Variants in ARFGEF2 observed in about 807,000 individuals in gnomAD.
ARFGEF2 encodes the protein ARF guanine nucleotide exchange factor 2, also known as brefeldin A-inhibited guanine nucleotide-exchange protein 2.
ARFGEF2 carries 74 observed loss-of-function variants against 219.9 expected under a neutral mutation model. That is an observed-to-expected ratio of 0.34 (90% CI 0.28 to 0.41). ARFGEF2 has a LOEUF of 0.41. ARFGEF2 is among the 10% of genes least tolerant of loss of function. The pLI is 1.00. For synonymous variants in ARFGEF2, 733 were observed against 799.2 expected (o/e 0.92, Z 1.40); for missense variants, 1,743 against 2,218.3 (o/e 0.79, Z 4.30).
At chr20:49,023,608 G>A (rs552593720) in intron 35 of ARFGEF2, among the ~76,000 whole-genome samples, 159 of 146,332 alleles carry the variant, frequency 1.1e-3, no homozygotes, top group Non-Finnish European at 1.6e-3. Context: ...GCGCGATCTC[G>A]GCTCACTGCA....
chr20:48,928,945 T>C (rs576750175), intron 1 of ARFGEF2, among the ~76,000 whole-genome samples: 1 of 152,342 alleles, frequency 6.6e-6, no homozygotes, highest in South Asian at 2.1e-4. Context: ...TACTTGTAAA[T>C]CTCAGGGGAG....
intron 1 of ARFGEF2, among the ~76,000 whole-genome samples, chr20:48,934,210 A>G (rs992767540): frequency 6.6e-6 from 1 of 151,078 alleles, no homozygotes; most frequent in Non-Finnish European, 1.5e-5. Context: ...TGTCTGTGCC[A>G]GGACTTGAAC....
intron 8 of ARFGEF2, 29 bp downstream of exon 8, chr20:48,966,052 T>A (rs1369068249): frequency 6.2e-7 from 1 of 1,613,668 alleles, no homozygotes; most frequent in Non-Finnish European, 8.5e-7. Context: ...TCTGTGGACT[T>A]ATTGCCATTT....
Position 49,011,919 on chromosome 20 carries a change from C to T in ARFGEF2, c.3758-5C>T, listed in dbSNP as rs762729146. ...TTATGAAAAATGTGCCTTGTGTTCC[C>T]CCAGCAACTATTTTCCAGCACCATT... On this transcript the variant is annotated splice_region_variant and splice_polypyrimidine_tract_variant and intron_variant, in intron 27 of 38. Coordinates refer to ENST00000371917, the MANE Select transcript of ARFGEF2 (RefSeq NM_006420.3). 1 of 1,614,048 alleles carries T rather than the reference C, an allele frequency of 6.2e-7. No homozygotes were observed. Among genetic ancestry groups the T allele is most frequent in the African/African-American group, 1.3e-5 (1 of 74,920 alleles).
At chr20:48,924,886 CAT>C (rs1233609129) in intron 1 of ARFGEF2, among the ~76,000 whole-genome samples, 5 of 152,258 alleles carry the variant, frequency 3.3e-5, no homozygotes, top group South Asian at 2.1e-4. Flanking sequence ...AGTTAATTGA[CAT>C]GTGCAAAAAA....
chr20:48,992,542 C>A (rs1481958095), intron 21 of ARFGEF2, among the ~76,000 whole-genome samples: 3 of 152,202 alleles, frequency 2.0e-5, no homozygotes. Flanking sequence ...ATGGCACAGG[C>A]AGGTTACTTA....
intron 18 of ARFGEF2, 105 bp from the exon 19 acceptor site, chr20:48,989,180 G>T: frequency 7.9e-7 from 1 of 1,272,554 alleles, no homozygotes; most frequent in Non-Finnish European, 1.1e-6. Context: ...CGAGATGGTT[G>T]GGAGGATTTA....
chr20:49,016,141 A>G, intron 30 of ARFGEF2, 139 bp from the exon 31 acceptor site: 2 of 850,038 alleles, frequency 2.4e-6, no homozygotes, highest in Middle Eastern at 2.2e-4. Flanking sequence ...GTACATATGA[A>G]TGTATTAACA....
chr20:48,953,049 A>G (rs2091081084), intron 5 of ARFGEF2, among the ~76,000 whole-genome samples, 165 bp downstream of exon 5: 1 of 151,774 alleles, frequency 6.6e-6, no homozygotes, highest in African/African-American at 2.4e-5. Context: ...AATCAGAGAA[A>G]CTAAAGGGTT....
At chr20:49,003,652 A>C (rs1477381008) in intron 25 of ARFGEF2, among the ~76,000 whole-genome samples, 4 of 152,178 alleles carry the variant, frequency 2.6e-5, no homozygotes, top group Admixed American at 1.3e-4. Context: ...GTCAGACCAC[A>C]TATCAATGAA....
chr20:49,022,987 C>G, intron 34 of ARFGEF2, 64 bp from the exon 35 acceptor site: 1 of 1,600,858 alleles, frequency 6.2e-7, no homozygotes, highest in Non-Finnish European at 8.6e-7. Context: ...AGTAGGAGCT[C>G]AGTGGATATT....
At position 49,012,217 on chromosome 20, in the gene ARFGEF2, T is replaced by C. The variant is rs1410711146; in HGVS notation, c.3918+133T>C. The C allele has an allele frequency of 1.9e-5, 22 of 1,185,844 alleles. No homozygotes were observed. In the East Asian group the frequency reaches 2.5e-4, roughly 13 times the overall value. The allele number at this position is 1,185,844 out of a possible 1,614,324, so 73.5% of individuals were successfully genotyped here. A position where few individuals can be genotyped will look rare whatever the true frequency, so the allele number is the denominator to read the frequency against. Reference sequence around the variant, plus strand: ...TGTTTGCCCTAAATTAGGTGTTTATTTCAAAATGCTGCCATGACAGGGAGT... The same window carrying C: ...TGTTTGCCCTAAATTAGGTGTTTATCTCAAAATGCTGCCATGACAGGGAGT... On this transcript the variant is annotated intron_variant, in intron 28 of 38. Transcript: ENST00000371917.
chr20:49,016,254 T>C, intron 30 of ARFGEF2, 26 bp from the exon 31 acceptor site: 1 of 1,612,896 alleles, frequency 6.2e-7, no homozygotes, highest in Non-Finnish European at 8.5e-7. Flanking sequence ...GAATAGCTTT[T>C]AAGTGTCATC....
intron 6 of ARFGEF2, among the ~76,000 whole-genome samples, chr20:48,959,316 A>G (rs1275085226): frequency 1.3e-5 from 2 of 151,674 alleles, no homozygotes; most frequent in East Asian, 3.9e-4. Context: ...GAAGGTTGGG[A>G]CTGGAAAGGA....
At chr20:49,012,749 A>G (rs2091507566) in intron 28 of ARFGEF2, among the ~76,000 whole-genome samples, 1 of 152,178 alleles carries the variant, frequency 6.6e-6, no homozygotes. Context: ...AGCACTTAGT[A>G]CTTGTTGGGC....
chr20:48,975,023 A>AT (rs1216825442), intron 13 of ARFGEF2, 149 bp downstream of exon 13: 2 of 712,480 alleles, frequency 2.8e-6, no homozygotes, highest in Non-Finnish European at 4.9e-6. Context: ...CCTGCTTTTT[A>AT]TTGCATCTGG....
At position 48,994,532 on chromosome 20, in the gene ARFGEF2, C is replaced by T. The variant is rs748682883; in HGVS notation, c.3055C>T (p.Arg1019Cys). 7 of 1,613,878 alleles carry T rather than the reference C, an allele frequency of 4.3e-6. No individual in the cohort carries two copies. Among genetic ancestry groups the T allele is most frequent in the South Asian group, 2.2e-5 (2 of 91,072 alleles). ...VKTRYLSGSG[R>C]EREGSLKGHT... is the part of the protein sequence containing the mutation. ...GACGCGCTACCTGTCTGGATCTGGG[C>T]GTGAAAGAGAAGGGAGCCTGAAGGG... Residue 1019 changes from arginine to cysteine, a missense_variant, in exon 22 of 39, where the codon CGT becomes TGT. By Grantham distance (180) the Arg-to-Cys change is radical (BLOSUM62 -3). Around this residue, in one of 5 missense-constraint regions of ARFGEF2, gnomAD observed 666 missense variants for 955.4 expected, o/e 0.70. Coordinates refer to ENST00000371917, the MANE Select transcript of ARFGEF2 (RefSeq NM_006420.3).
intron 16 of ARFGEF2, 40 bp from the exon 17 acceptor site, chr20:48,988,264 C>A: frequency 6.9e-7 from 1 of 1,458,820 alleles, no homozygotes; most frequent in Non-Finnish European, 9.6e-7. Context: ...TTCCAAACCG[C>A]ATCACCATGA....
At chr20:49,016,457 T>G in intron 31 of ARFGEF2, 42 bp downstream of exon 31, 1 of 1,602,140 alleles carries the variant, frequency 6.2e-7, no homozygotes, top group African/African-American at 1.3e-5. Context: ...TTACATAGTC[T>G]TTAATGAGAG....
Sources: gnomAD v4.1 joint callset for allele counts (sites outside exome capture counted in the v4.1 genomes callset) on GRCh38, gnomAD v4.1.1 for gene constraint, gnomAD v4.1.1 regional missense constraint, MANE v1.5 for transcripts, NCBI Gene and HGNC (gene_info 2026-07-23, HGNC 2026-07-21) for gene names.